RBFOX1: variants seen among roughly 807,000 people sequenced by gnomAD.
The protein encoded by RBFOX1 is RNA binding protein fox-1 homolog 1.
In RBFOX1, 8 loss-of-function variants were observed where a neutral mutation model predicts 57.7. The ratio of observed to expected loss-of-function variants is 0.14; its 90% CI spans 0.08 to 0.25. RBFOX1 has a LOEUF of 0.25. Among genes scored for constraint, RBFOX1 ranks in the 10% least tolerant of loss-of-function variants. The probability of loss-of-function intolerance (pLI) is 1.00; values close to 1 mark genes in which losing one functional copy is unlikely to be tolerated. For synonymous variants in RBFOX1, 326 were observed against 222.4 expected, an observed-to-expected ratio of 1.47 and a Z score of -4.15; for missense variants, 611 against 548.5, an observed-to-expected ratio of 1.11 and a Z score of -1.14.
At chr16:6,925,515 A>G (rs1317911885) in intron 3 of RBFOX1, among the ~76,000 whole-genome samples, 1 of 150,298 alleles carries the variant, frequency 6.7e-6, no homozygotes, top group African/African-American at 2.5e-5. Context: ...GTGAATGTAA[A>G]TTTCCGGGGG....
chr16:6,777,918 C>G (rs1326646863), intron 3 of RBFOX1, among the ~76,000 whole-genome samples: 1 of 152,136 alleles, frequency 6.6e-6, no homozygotes, highest in Non-Finnish European at 1.5e-5. Flanking sequence ...TTTTTCTGAG[C>G]TTTCCAAAAT....
chr16:7,656,703 T>C (rs2066400331), intron 12 of RBFOX1, among the ~76,000 whole-genome samples: 1 of 152,106 alleles, frequency 6.6e-6, no homozygotes, highest in Non-Finnish European at 1.5e-5. Flanking sequence ...TTAGGCACTG[T>C]TGTGTGCTGA....
chr16:7,469,340 G>C (rs1480686742), intron 4 of RBFOX1, among the ~76,000 whole-genome samples: 7 of 152,038 alleles, frequency 4.6e-5, no homozygotes, highest in African/African-American at 9.7e-5. Flanking sequence ...GGGATTATAG[G>C]CGTGAGCCAC....
intron 3 of RBFOX1, among the ~76,000 whole-genome samples, chr16:6,955,905 C>T (rs2081722979): frequency 2.0e-5 from 3 of 152,022 alleles, no homozygotes. Context: ...GGGGTTTCAC[C>T]ATGTTGGTCA....
chr16:7,076,173 C>T (rs2058264718), intron 4 of RBFOX1, among the ~76,000 whole-genome samples: 2 of 151,740 alleles, frequency 1.3e-5, no homozygotes, highest in African/African-American at 2.4e-5. Context: ...TCTCGAGTAC[C>T]TAGAACTACA....
At chr16:6,987,809 G>T (rs2090625372) in intron 3 of RBFOX1, among the ~76,000 whole-genome samples, 1 of 152,122 alleles carries the variant, frequency 6.6e-6, no homozygotes, top group Non-Finnish European at 1.5e-5. Flanking sequence ...TGGGATGACT[G>T]GTCCGTGGAG....
intron 1 of RBFOX1, among the ~76,000 whole-genome samples, chr16:6,213,874 A>G (rs2097314415): frequency 6.6e-6 from 1 of 152,198 alleles, no homozygotes; most frequent in Admixed American, 6.5e-5. Flanking sequence ...GGATGGGGTC[A>G]GGGGATGTCC....
chr16:7,021,025 G>A (rs1354951836), intron 3 of RBFOX1, among the ~76,000 whole-genome samples: 1 of 152,148 alleles, frequency 6.6e-6, no homozygotes, highest in Admixed American at 6.6e-5. Context: ...CTACTGGGGA[G>A]GCTGAGGCAG....
chr16:7,205,586 C>T (rs1187017315), intron 4 of RBFOX1, among the ~76,000 whole-genome samples: 1 of 151,922 alleles, frequency 6.6e-6, no homozygotes, highest in Non-Finnish European at 1.5e-5. Context: ...GTAGAATGTT[C>T]CTATCCACCC....
chr16:5,339,470 G>GGTTTTTTTTTTTTTTTTTTTTTTT (rs1567354925), intron 1 of RBFOX1, among the ~76,000 whole-genome samples: 1 of 40,854 alleles, frequency 2.4e-5, no homozygotes, highest in Non-Finnish European at 4.5e-5. Context: ...CTTTTTCCGT[G>GGTTTTTTTTTTTTTTTTTTTTTTT]TTTTTTTTTT....
In RBFOX1 at chr16:7,242,402, C is replaced by T. The variant is rs191359718; in HGVS notation, c.27+190304C>T. Among the ~76,000 whole-genome samples, 33 of 152,294 alleles carry T rather than the reference C, an allele frequency of 2.2e-4. 2 individuals are homozygous for T. In the East Asian group the frequency reaches 6.2e-3, roughly 29 times the overall value. ...CAGCTGTGTGAGCTTGGGCAAGAAACTAGATCTCTCTGAGCTTTAGTTCTT... is the reference window on the plus strand; with the variant it reads ...CAGCTGTGTGAGCTTGGGCAAGAAATTAGATCTCTCTGAGCTTTAGTTCTT... On this transcript the variant is annotated intron_variant, in intron 4 of 15. Transcript: ENST00000550418.
At chr16:6,374,321 G>A (rs1596306503) in intron 2 of RBFOX1, among the ~76,000 whole-genome samples, 1 of 152,326 alleles carries the variant, frequency 6.6e-6, no homozygotes, top group Non-Finnish European at 1.5e-5. Flanking sequence ...GGATCATTTT[G>A]TGATCAGGCA....
intron 7 of RBFOX1, among the ~76,000 whole-genome samples, chr16:7,593,281 C>G (rs1243102674): frequency 6.6e-6 from 1 of 152,160 alleles, no homozygotes; most frequent in Non-Finnish European, 1.5e-5. Flanking sequence ...TTAATGTCCT[C>G]CCAAGTTCCT....
In RBFOX1 at chr16:7,006,689, C is replaced by A. The variant is rs541351983; in HGVS notation, c.-15-45368C>A. Among the ~76,000 whole-genome samples the A allele has an allele frequency of 2.0e-5, 3 of 152,244 alleles. No homozygotes were observed. The East Asian group carries it at 5.8e-4, about 29-fold the overall frequency. ...TCTTGAACTCCTGGACTCAAGTGAT[C>A]GTCCTTCCTTGGTCTCCCAATGTGC... On this transcript the variant is annotated intron_variant, in intron 3 of 15. Transcript: ENST00000550418.
At chr16:7,016,786 G>C (rs1477411430) in intron 3 of RBFOX1, among the ~76,000 whole-genome samples, 2 of 152,150 alleles carry the variant, frequency 1.3e-5, no homozygotes, top group Non-Finnish European at 2.9e-5. Context: ...GAGCAGGGTA[G>C]GTGACAGGAC....
At chr16:6,078,775 A>G (rs899940187) in intron 1 of RBFOX1, among the ~76,000 whole-genome samples, 3 of 152,210 alleles carry the variant, frequency 2.0e-5, no homozygotes, top group African/African-American at 7.2e-5. Context: ...TGCTTTTGTC[A>G]TCCTTTCCCT....
chr16:5,578,185 C>G (rs754298069), intron 2 of RBFOX1, among the ~76,000 whole-genome samples: 1 of 152,222 alleles, frequency 6.6e-6, no homozygotes, highest in African/African-American at 2.4e-5. Flanking sequence ...CTCTTGACCT[C>G]GTGATCCACC....
At chr16:7,000,326 A>G (rs1340511255) in intron 3 of RBFOX1, among the ~76,000 whole-genome samples, 1 of 151,858 alleles carries the variant, frequency 6.6e-6, no homozygotes, top group East Asian at 1.9e-4. Flanking sequence ...ATATGTCTCA[A>G]ATTAAAATTA....
At chr16:6,693,815 C>T (rs73533796) in intron 3 of RBFOX1, among the ~76,000 whole-genome samples, 176 of 152,274 alleles carry the variant, frequency 1.2e-3, no homozygotes, top group African/African-American at 4.0e-3. Flanking sequence ...TCATCATCAT[C>T]ATTCTCCACT....
Sources: gnomAD v4.1 joint callset for allele counts (sites outside exome capture counted in the v4.1 genomes callset) on GRCh38, gnomAD v4.1.1 for gene constraint, MANE v1.5 for transcripts, NCBI Gene and HGNC (gene_info 2026-07-23, HGNC 2026-07-21) for gene names.